The following SLCO3A1 variants were observed in gnomAD, a reference collection of about 807,000 sequenced individuals.
The protein encoded by SLCO3A1 is solute carrier organic anion transporter family member 3A1, also known as PGE1 transporter.
Under a neutral mutation model 63.1 loss-of-function variants are expected in SLCO3A1, and 27 were observed. The observed-to-expected ratio is 0.43, with a 90% confidence interval of 0.32 to 0.59. The LOEUF (loss-of-function observed/expected upper bound fraction) is 0.59. SLCO3A1 is among the 20% of genes least tolerant of loss of function. SLCO3A1 has a pLI of 0.09. For missense variants in SLCO3A1, 773 were observed against 945.8 expected (o/e 0.82, Z 2.40); for synonymous variants, 473 against 409.9 (o/e 1.15, Z -1.86).
intron 1 of SLCO3A1, among the ~76,000 whole-genome samples, chr15:91,902,630 C>A (rs1425006732): frequency 6.6e-6 from 1 of 152,048 alleles, no homozygotes. Context: ...TGAATTAGTG[C>A]TCCTCAGTTT....
chr15:91,869,536 T>C (rs150047980), intron 1 of SLCO3A1, among the ~76,000 whole-genome samples: 1 of 120,948 alleles, frequency 8.3e-6, no homozygotes, highest in African/African-American at 3.3e-5. Context: ...AAAAAAAAAA[T>C]TAAAAAATTA....
chr15:91,888,140 A>G (rs572524656), intron 1 of SLCO3A1, among the ~76,000 whole-genome samples: 1 of 152,306 alleles, frequency 6.6e-6, no homozygotes, highest in African/African-American at 2.4e-5. Context: ...CGATTTTGGA[A>G]TACTCCCCGC....
intron 6 of SLCO3A1, among the ~76,000 whole-genome samples, chr15:92,127,818 AGT>A (rs2047943523): frequency 6.6e-6 from 1 of 152,202 alleles, no homozygotes; most frequent in African/African-American, 2.4e-5. Context: ...CAGTGTAGTA[AGT>A]AAGCATCATG....
intron 9 of SLCO3A1, 31 bp downstream of exon 9, chr15:92,151,045 T>G (rs1422911244): frequency 7.0e-7 from 1 of 1,429,450 alleles, no homozygotes; most frequent in Non-Finnish European, 9.8e-7. Context: ...TCCTCAATAA[T>G]GAATTGGATG....
chr15:92,117,428 A>G (rs2047808633), intron 4 of SLCO3A1, among the ~76,000 whole-genome samples: 1 of 152,190 alleles, frequency 6.6e-6, no homozygotes, highest in African/African-American at 2.4e-5. Flanking sequence ...GGCTACAGTG[A>G]AAGCACGGCA....
At chr15:91,932,634 G>A (rs935854369) in intron 2 of SLCO3A1, among the ~76,000 whole-genome samples, 7 of 152,128 alleles carry the variant, frequency 4.6e-5, no homozygotes, top group Non-Finnish European at 8.8e-5. Flanking sequence ...GTAGAGATGA[G>A]GTTTCACCAT....
At chr15:92,100,177 A>G (rs538082977) in intron 3 of SLCO3A1, among the ~76,000 whole-genome samples, 5 of 138,674 alleles carry the variant, frequency 3.6e-5, no homozygotes, top group African/African-American at 1.3e-4. Context: ...GCCTGGCTTC[A>G]TGACAGATAT....
intron 6 of SLCO3A1, among the ~76,000 whole-genome samples, chr15:92,127,203 C>G (rs1359035523): frequency 6.6e-6 from 1 of 152,224 alleles, no homozygotes; most frequent in Non-Finnish European, 1.5e-5. Flanking sequence ...GCCCCGACTT[C>G]GTGTTCAGAT....
chr15:91,962,181 T>C (rs1253710965), intron 2 of SLCO3A1, among the ~76,000 whole-genome samples: 1 of 152,028 alleles, frequency 6.6e-6, no homozygotes, highest in Non-Finnish European at 1.5e-5. Flanking sequence ...GAGTGGACAT[T>C]TTAAGAATTA....
At chr15:91,988,091 AAGG>A (rs2046077557) in intron 2 of SLCO3A1, among the ~76,000 whole-genome samples, 1 of 152,162 alleles carries the variant, frequency 6.6e-6, no homozygotes, top group African/African-American at 2.4e-5. Flanking sequence ...GGCTGATAGC[AAGG>A]AGATATACTT....
chr15:92,086,351 C>T (rs1472773086), intron 2 of SLCO3A1, among the ~76,000 whole-genome samples: 2 of 152,118 alleles, frequency 1.3e-5, no homozygotes, highest in Non-Finnish European at 2.9e-5. Flanking sequence ...ATTTATAATT[C>T]TCTGAATTCT....
intron 2 of SLCO3A1, among the ~76,000 whole-genome samples, chr15:92,024,216 A>G (rs7165226): frequency 6.6e-6 from 1 of 152,134 alleles, no homozygotes; most frequent in South Asian, 2.1e-4. Flanking sequence ...CATACATATC[A>G]TGGGCAGAGT....
At chr15:91,898,596 G>A (rs973403084) in intron 1 of SLCO3A1, among the ~76,000 whole-genome samples, 7 of 151,988 alleles carry the variant, frequency 4.6e-5, no homozygotes, top group Non-Finnish European at 5.9e-5. Context: ...ATTTCGATCC[G>A]CAAGATACTA....
rs140201727 is a variant in SLCO3A1 at position 92,118,224 on chromosome 15, G to A, written c.1010-2241G>A. ...ATTTGTGCATTTATTTCATCAGAGA[G>A]TTGCCTTTCTAATGTTTCAGGAATT... On this transcript the variant is annotated intron_variant, in intron 4 of 9. Coordinates refer to ENST00000318445, the MANE Select transcript of SLCO3A1 (RefSeq NM_013272.4). Among the ~76,000 whole-genome samples, 205 of 152,288 alleles carry A rather than the reference G, an allele frequency of 1.3e-3. 1 individual carries two copies. The highest frequency in any genetic ancestry group is 4.6e-3 in the African/African-American group (190 of 41,552).
At chr15:91,880,164 TCC>T (rs1491103823) in intron 1 of SLCO3A1, among the ~76,000 whole-genome samples, 13 of 150,708 alleles carry the variant, frequency 8.6e-5, no homozygotes, top group Non-Finnish European at 1.3e-4. Flanking sequence ...CATCCATCCA[TCC>T]ATCCATCTAT....
intron 7 of SLCO3A1, among the ~76,000 whole-genome samples, chr15:92,133,782 T>C (rs1463293386): frequency 6.6e-6 from 1 of 151,078 alleles, no homozygotes; most frequent in East Asian, 1.9e-4. Context: ...CATTTCATTA[T>C]ATAATACAAT....
At chr15:92,096,380 A>G (rs910111546) in intron 3 of SLCO3A1, among the ~76,000 whole-genome samples, 5 of 152,242 alleles carry the variant, frequency 3.3e-5, no homozygotes, top group Non-Finnish European at 5.9e-5. Flanking sequence ...CAGGTTTACT[A>G]TGGAAAGAGA....
At chr15:91,996,850 C>T (rs1047238013) in intron 2 of SLCO3A1, among the ~76,000 whole-genome samples, 2 of 152,108 alleles carry the variant, frequency 1.3e-5, no homozygotes, top group Non-Finnish European at 1.5e-5. Flanking sequence ...AGATGGTTAA[C>T]ATCCTGAGTA....
At chr15:92,160,459 G>C (rs990331271) in intron 9 of SLCO3A1, among the ~76,000 whole-genome samples, 1 of 152,030 alleles carries the variant, frequency 6.6e-6, no homozygotes, top group Admixed American at 6.6e-5. Context: ...GAGACACCTG[G>C]GCAGCCTTTG....
Sources: allele counts gnomAD v4.1 joint callset (sites outside exome capture counted in the v4.1 genomes callset), GRCh38; gene constraint gnomAD v4.1.1; transcripts MANE v1.5; gene names NCBI Gene and HGNC (gene_info 2026-07-23, HGNC 2026-07-21).